Variants in PAGE2B observed in about 807,000 individuals in gnomAD.
PAGE2B encodes putative G antigen family E member 3.
PAGE2B carries 5 observed loss-of-function variants against 7.6 expected under a neutral mutation model. That is an observed-to-expected ratio of 0.66 (90% CI 0.34 to 1.38). The LOEUF is 1.38. Ranked by LOEUF, PAGE2B falls within the 40% of genes most tolerant of loss-of-function variation. The pLI, the probability that PAGE2B is intolerant of heterozygous loss-of-function variation, is 0.04. For missense variants in PAGE2B, 70 were observed against 78.4 expected (o/e 0.89, Z 0.41); for synonymous variants, 29 against 26.7 (o/e 1.09, Z -0.27).
chrX:55,044,755 G>T, the PAGE2B span: 14 of 111,696 alleles, frequency 1.3e-4, no homozygotes, highest in Admixed American at 1.2e-3. Flanking sequence ...TGAATTTTCT[G>T]GTGATTAATA....
upstream of PAGE2B, among the ~76,000 whole-genome samples, chrX:55,071,948 G>A (rs1569548290): frequency 1.8e-5 from 2 of 111,891 alleles, no homozygotes; most frequent in East Asian, 5.6e-4. Context: ...CTAGTTCGCA[G>A]TTCCTGTAAC....
At chrX:55,069,504 C>CTT in the PAGE2B span, among the ~76,000 whole-genome samples, 18 of 106,313 alleles carry the variant, frequency 1.7e-4, no homozygotes, top group African/African-American at 5.5e-4. Context: ...AATTCTCTCT[C>CTT]TTTTTTTTTT....
chrX:55,046,934 C>CT, the PAGE2B span, among the ~76,000 whole-genome samples: 3,811 of 110,418 alleles, frequency 0.035, 176 homozygotes, highest in African/African-American at 0.12. Context: ...CAGAGATTCA[C>CT]TTTTTTTTTA....
the PAGE2B span, among the ~76,000 whole-genome samples, chrX:55,043,892 G>A: frequency 2.8e-5 from 3 of 109,084 alleles, no homozygotes; most frequent in African/African-American, 1.0e-4. Context: ...CTTGAACCCA[G>A]GAGGCAGAGG....
At chrX:55,030,960 G>C in the PAGE2B span, 1 of 340,491 alleles carries the variant, frequency 2.9e-6, no homozygotes, top group Non-Finnish European at 5.9e-6. Flanking sequence ...CTGCACTGAG[G>C]ACGAACGAAT....
At chrX:55,040,081 G>A in the PAGE2B span, among the ~76,000 whole-genome samples, 2 of 106,855 alleles carry the variant, frequency 1.9e-5, no homozygotes, top group Non-Finnish European at 3.9e-5. Flanking sequence ...AACCAGAGGC[G>A]GATTTTAATC....
At chrX:55,074,444 A>T (rs1218177475), upstream of PAGE2B, among the ~76,000 whole-genome samples, 1 of 112,171 alleles carries the variant, frequency 8.9e-6, no homozygotes. Context: ...TTAAAAGAAG[A>T]GAGTTACATA....
the PAGE2B span, among the ~76,000 whole-genome samples, chrX:55,028,967 T>C: frequency 8.9e-6 from 1 of 112,006 alleles, no homozygotes; most frequent in Non-Finnish European, 1.9e-5. Flanking sequence ...AAAATGTTGG[T>C]AATAACAAGG....
the PAGE2B span, among the ~76,000 whole-genome samples, chrX:55,040,736 G>A: frequency 9.0e-6 from 1 of 111,455 alleles, no homozygotes. Flanking sequence ...AGATGATTAT[G>A]ATAGTTGTAC....
chrX:55,059,827 A>G, the PAGE2B span, among the ~76,000 whole-genome samples: 1 of 111,164 alleles, frequency 9.0e-6, no homozygotes, highest in Non-Finnish European at 1.9e-5. Flanking sequence ...GTTTCTATCA[A>G]TTAGATTTTT....
rs142415976 is a variant in PAGE2B, at chrX:55,075,190, G to C, written c.-9+76G>C. 1,101 of 129,826 alleles carry C rather than the reference G, an allele frequency of 8.5e-3. 13 individuals are homozygous for C. Among genetic ancestry groups the C allele is most frequent in the Admixed American group, 0.019 (212 of 10,932 alleles). 10.7% of individuals were successfully genotyped at this position (129,826 alleles called of 1,213,427 possible). On this transcript the variant is annotated intron_variant, in intron 1 of 4. Transcript: ENST00000374971. ...GGAGGAGCCAGCTGGCTTTGGACAG[G>C]TCCTGCGGCACAGTCCGTGGCTTCC...
the PAGE2B span, chrX:55,055,639 CT>C: frequency 2.4e-5 from 3 of 127,593 alleles, no homozygotes; most frequent in East Asian, 2.5e-4. Context: ...TTTTAGACTG[CT>C]TTTTCATTCT....
At chrX:55,043,102 C>G in the PAGE2B span, among the ~76,000 whole-genome samples, 21 of 111,152 alleles carry the variant, frequency 1.9e-4, no homozygotes, top group Middle Eastern at 4.6e-3. Flanking sequence ...GAAAGGACAT[C>G]CTATTCAATA....
chrX:55,041,394 T>C, the PAGE2B span, among the ~76,000 whole-genome samples: 20 of 111,900 alleles, frequency 1.8e-4, no homozygotes, highest in Admixed American at 1.6e-3. Context: ...ATAATTCTTA[T>C]TGAAATACAA....
the PAGE2B span, among the ~76,000 whole-genome samples, chrX:55,032,347 A>G: frequency 8.9e-6 from 1 of 112,261 alleles, no homozygotes; most frequent in East Asian, 2.8e-4. Flanking sequence ...TATAGGCACT[A>G]AAAATGGTAT....
At chrX:55,046,541 A>G in the PAGE2B span, among the ~76,000 whole-genome samples, 1 of 112,443 alleles carries the variant, frequency 8.9e-6, no homozygotes, top group Non-Finnish European at 1.9e-5. Context: ...AGATAATTCT[A>G]GCCAGAGAAA....
At chrX:55,053,100 G>A in the PAGE2B span, among the ~76,000 whole-genome samples, 1 of 112,190 alleles carries the variant, frequency 8.9e-6, no homozygotes, top group African/African-American at 3.2e-5. Flanking sequence ...CTGTTAAATA[G>A]CAAAGACATG....
At chrX:55,058,975 AC>A in the PAGE2B span, among the ~76,000 whole-genome samples, 145 of 110,601 alleles carry the variant, frequency 1.3e-3, no homozygotes, top group East Asian at 9.3e-3. Flanking sequence ...CTAATTGAGC[AC>A]TCATTTCTCC....
the PAGE2B span, among the ~76,000 whole-genome samples, chrX:55,050,762 A>G: frequency 9.0e-6 from 1 of 111,194 alleles, no homozygotes; most frequent in African/African-American, 3.3e-5. Context: ...CTCTTTATCC[A>G]GTTTGCCAGT....
Sources: allele counts gnomAD v4.1 joint callset (sites outside exome capture counted in the v4.1 genomes callset), GRCh38; gene constraint gnomAD v4.1.1; transcripts MANE v1.5; gene names NCBI Gene and HGNC (gene_info 2026-07-23, HGNC 2026-07-21).